The following CHD9 variants were observed in gnomAD, a reference collection of about 807,000 sequenced individuals.
CHD9 encodes ATP-dependent chromatin remodeler CHD9.
Under a neutral mutation model 316.1 loss-of-function variants are expected in CHD9, and 77 were observed. That is an observed-to-expected ratio of 0.24 (90% CI 0.20 to 0.29). The LOEUF is 0.29. Among genes scored for constraint, CHD9 ranks in the 10% least tolerant of loss-of-function variants. The pLI, the probability that CHD9 is intolerant of heterozygous loss-of-function variation, is 1.00. For missense variants in CHD9, 2,763 were observed against 3,438.1 expected (o/e 0.80, Z 4.91); for synonymous variants, 1,129 against 1,158.3 (o/e 0.97, Z 0.51).
At chr16:53,238,311 G>A (rs927404842) in intron 11 of CHD9, 32 bp from the exon 12 acceptor site, 2 of 1,559,046 alleles carry the variant, frequency 1.3e-6, no homozygotes, top group Middle Eastern at 1.7e-4. Flanking sequence ...AAAACCCAAT[G>A]TATGCATGGA....
At chr16:53,231,570 T>TAGGG (rs1428550420) in intron 9 of CHD9, 65 bp downstream of exon 9, 2 of 1,377,966 alleles carry the variant, frequency 1.5e-6, no homozygotes, top group Non-Finnish European at 1.0e-6. Context: ...TATTAAGACC[T>TAGGG]AGTACTTTAT....
In CHD9 at chr16:53,254,603, G is replaced by A. The variant is rs765247375; in HGVS notation, c.4027G>A (p.Gly1343Ser). 1.2e-6 allele frequency: 2 copies of A among 1,601,042 alleles called. No individual in the cohort carries two copies. The highest frequency in any genetic ancestry group is 8.5e-7 in the Non-Finnish European group (1 of 1,171,752). ...GAGTGGAAGAGAAAGTAATGTTGGT[G>A]GTGTATGTATAGTTTCTTTTTCACT... Reference protein sequence around the residue: ...SMSGRESNVGGIQQLSKKEIE... With the variant: ...SMSGRESNVGSIQQLSKKEIE... The change falls in exon 18 of 39, where the codon GGT becomes AGT. Residue 1343 changes from glycine (G) to serine (S), a missense_variant and splice_region_variant. By Grantham distance (56) the Gly-to-Ser change is moderately conservative (BLOSUM62 0). Transcript: ENST00000447540.
chr16:53,242,765 C>A, intron 12 of CHD9, 75 bp from the exon 13 acceptor site: 1 of 1,297,698 alleles, frequency 7.7e-7, no homozygotes, highest in Non-Finnish European at 1.1e-6. Context: ...CAGATGTTAT[C>A]TGATGCCACT....
chr16:53,068,331 G>T (rs1437020592), intron 1 of CHD9, among the ~76,000 whole-genome samples: 3 of 152,104 alleles, frequency 2.0e-5, no homozygotes, highest in Non-Finnish European at 4.4e-5. Flanking sequence ...ACTTTTCAAG[G>T]TTGCAAGACA....
At chr16:53,294,728 C>T (rs2054630643) in intron 29 of CHD9, among the ~76,000 whole-genome samples, 1 of 152,198 alleles carries the variant, frequency 6.6e-6, no homozygotes, top group South Asian at 2.1e-4. Context: ...AAGGCCAGCC[C>T]AGATTTAGGG....
rs892349581 is a variant in CHD9 at position 53,308,952 on chromosome 16, T to C, written c.7222+98T>C. 80 of 921,738 alleles carry C rather than the reference T, an allele frequency of 8.7e-5. 1 individual carries two copies. The highest frequency in any genetic ancestry group is 1.1e-4 in the Non-Finnish European group (71 of 622,088). 57.1% of individuals were successfully genotyped at this position (921,738 alleles called of 1,614,324 possible). ...TTGTAATAAAAATTTATTTTTCCTTTGTTGGAACCTCTTAAGCCTATAAAG... is the reference window on the plus strand; with the variant it reads ...TTGTAATAAAAATTTATTTTTCCTTCGTTGGAACCTCTTAAGCCTATAAAG... On this transcript the variant is annotated intron_variant, in intron 34 of 38. Coordinates refer to ENST00000447540, the MANE Select transcript of CHD9 (RefSeq NM_001308319.2).
chr16:53,321,972 CTA>C lies in CHD9; in HGVS notation c.7818+344_7818+345del, dbSNP rs1356608545. On this transcript the variant is annotated intron_variant, in intron 38 of 38. Transcript: ENST00000447540. ...AATAGTTCATTAAGATTCTGGAAAACTATGCAATTTTTTTTCTTTTTCTTTTT... is the reference window on the plus strand; with the variant it reads ...AATAGTTCATTAAGATTCTGGAAAACTGCAATTTTTTTTCTTTTTCTTTTT... Among the ~76,000 whole-genome samples the C allele has an allele frequency of 2.0e-5, 3 of 149,674 alleles. No homozygotes were observed. In the East Asian group the frequency reaches 5.9e-4, roughly 29 times the overall value.
At chr16:53,118,188 G>T (rs916493102) in intron 1 of CHD9, among the ~76,000 whole-genome samples, 1 of 151,906 alleles carries the variant, frequency 6.6e-6, no homozygotes, top group Non-Finnish European at 1.5e-5. Flanking sequence ...AGGCGGAGGC[G>T]GGTGGATTAC....
At chr16:53,272,679 G>T (rs543873972) in intron 22 of CHD9, among the ~76,000 whole-genome samples, 2 of 152,086 alleles carry the variant, frequency 1.3e-5, no homozygotes, top group Non-Finnish European at 2.9e-5. Flanking sequence ...TAAATAAGGT[G>T]CAGGCTTACA....
intron 20 of CHD9, 39 bp downstream of exon 20, chr16:53,263,136 G>T (rs1220069508): frequency 2.6e-5 from 38 of 1,454,136 alleles, no homozygotes; most frequent in Non-Finnish European, 3.6e-5. Flanking sequence ...CTTGCTTTTG[G>T]GATACTTTGG....
intron 1 of CHD9, among the ~76,000 whole-genome samples, chr16:53,095,678 T>C (rs1285716684): frequency 1.3e-5 from 2 of 152,252 alleles, no homozygotes; most frequent in Admixed American, 1.3e-4. Flanking sequence ...TACGGTCCAC[T>C]TGTTGTCCCT....
rs1017184749 is a variant in CHD9 at position 53,227,387 on chromosome 16, C to T, written c.2044-9C>T. On this transcript the variant is annotated splice_polypyrimidine_tract_variant and intron_variant, in intron 5 of 38. Transcript: ENST00000447540. ...TGTTCTGTCATTATTTCTTTCCTCC[C>T]TCCCATAGGAGAATCCGAGTGAAGA... The T allele has an allele frequency of 1.3e-6, 2 of 1,543,012 alleles. No homozygotes were observed. The highest frequency in any genetic ancestry group is 1.8e-6 in the Non-Finnish European group (2 of 1,139,134).
chr16:53,297,057 C>T lies in CHD9; in HGVS notation c.5612C>T (p.Ala1871Val), dbSNP rs899724763. ...CAATTTGATTGGACAAAATTTAGAGCTATGGCTAGGCTACATAAGAAAACT... is the reference window on the plus strand; with the variant it reads ...CAATTTGATTGGACAAAATTTAGAGTTATGGCTAGGCTACATAAGAAAACT... ...RGQFDWTKFR[A>V]MARLHKKTDD... The change falls in exon 30 of 39, where the codon GCT becomes GTT. Residue 1871 changes from alanine to valine, a missense_variant. Transcript: ENST00000447540. 6.2e-7 allele frequency: 1 copy of T among 1,613,398 alleles called. No individual in the cohort carries two copies. Among genetic ancestry groups the T allele is most frequent in the Non-Finnish European group, 8.5e-7 (1 of 1,179,568 alleles).
chr16:53,093,644 ATGT>A (rs1947687302), intron 1 of CHD9, among the ~76,000 whole-genome samples: 1 of 152,170 alleles, frequency 6.6e-6, no homozygotes, highest in Non-Finnish European at 1.5e-5. Flanking sequence ...CCATTGTGTC[ATGT>A]TGTTCTCACT....
At chr16:53,059,429 C>T (rs567293870) in intron 1 of CHD9, among the ~76,000 whole-genome samples, 1 of 152,164 alleles carries the variant, frequency 6.6e-6, no homozygotes, top group East Asian at 1.9e-4. Context: ...CATAGTGAGA[C>T]CCCCACCTCT....
chr16:53,315,780 A>G (rs568205767), intron 36 of CHD9, among the ~76,000 whole-genome samples: 7 of 152,224 alleles, frequency 4.6e-5, no homozygotes, highest in Admixed American at 2.6e-4. Flanking sequence ...CACCCAGCCT[A>G]TAACTGTTTT....
chr16:53,154,562 G>A (rs1030531550), intron 1 of CHD9, among the ~76,000 whole-genome samples: 1 of 152,148 alleles, frequency 6.6e-6, no homozygotes, highest in Non-Finnish European at 1.5e-5. Flanking sequence ...ATGGGGTGTG[G>A]TGGATGGAGG....
intron 16 of CHD9, 156 bp downstream of exon 16, chr16:53,247,659 G>A (rs554114202): frequency 3.0e-4 from 187 of 627,820 alleles, no homozygotes; most frequent in Non-Finnish European, 4.6e-4. Flanking sequence ...AGGATTATGT[G>A]TTATATTTTC....
intron 4 of CHD9, among the ~76,000 whole-genome samples, chr16:53,224,720 A>T (rs2047507452): frequency 6.6e-6 from 1 of 152,244 alleles, no homozygotes; most frequent in African/African-American, 2.4e-5. Flanking sequence ...ATGCCTAATG[A>T]GACATTGATA....
Sources: gnomAD v4.1 joint callset for allele counts (sites outside exome capture counted in the v4.1 genomes callset) on GRCh38, gnomAD v4.1.1 for gene constraint, MANE v1.5 for transcripts, NCBI Gene and HGNC (gene_info 2026-07-23, HGNC 2026-07-21) for gene names.